Variants in AFF2 observed in about 807,000 individuals in gnomAD.
The protein encoded by AFF2 is ALF transcription elongation factor 2, also known as AF4/FMR2 family member 2.
A neutral mutation model predicts 76.9 loss-of-function variants in AFF2; 14 were observed. The ratio of observed to expected loss-of-function variants is 0.18; its 90% confidence interval spans 0.12 to 0.28. The LOEUF is 0.28. Among genes scored for constraint, AFF2 ranks in the 10% least tolerant of loss-of-function variants. AFF2 has a pLI of 1.00. For missense variants in AFF2, 868 were observed against 1,001.1 expected, an observed-to-expected ratio of 0.87 and a Z score of 1.79; for synonymous variants, 398 against 366.7, an observed-to-expected ratio of 1.09 and a Z score of -0.98.
intron 10 of AFF2, among the ~76,000 whole-genome samples, chrX:148,955,060 T>C (rs1557287062): frequency 8.0e-5 from 9 of 112,890 alleles, no homozygotes; most frequent in Non-Finnish European, 7.5e-5. Context: ...AGTAAAATCT[T>C]TTTGTCCTTC....
intron 1 of AFF2, among the ~76,000 whole-genome samples, chrX:148,604,026 C>G (rs781855526): frequency 5.4e-5 from 6 of 111,278 alleles, no homozygotes; most frequent in African/African-American, 1.3e-4. Context: ...TTTGGTACAT[C>G]TCTAATTTTA....
chrX:148,668,787 G>C (rs1328037367), intron 3 of AFF2, among the ~76,000 whole-genome samples: 1 of 112,400 alleles, frequency 8.9e-6, no homozygotes, highest in Non-Finnish European at 1.9e-5. Context: ...AGGGGCTGCT[G>C]TGAAGACCTC....
chrX:148,609,103 A>G (rs1355039804), intron 1 of AFF2, among the ~76,000 whole-genome samples: 1 of 111,448 alleles, frequency 9.0e-6, no homozygotes, highest in African/African-American at 3.3e-5. Flanking sequence ...GTTTTTCTTC[A>G]GTGACCAAAA....
At chrX:148,782,167 AC>A (rs1453348069) in intron 3 of AFF2, among the ~76,000 whole-genome samples, 1 of 111,634 alleles carries the variant, frequency 9.0e-6, no homozygotes, top group Non-Finnish European at 1.9e-5. Context: ...ATCCTCAATC[AC>A]ATTTTTTCCA....
chrX:148,829,904 T>C (rs2070432828), intron 4 of AFF2, among the ~76,000 whole-genome samples: 1 of 111,982 alleles, frequency 8.9e-6, no homozygotes, highest in African/African-American at 3.3e-5. Context: ...AGTCCTAAAC[T>C]CTTGGTCCAC....
At chrX:148,915,147 GA>G (rs1449303634) in intron 9 of AFF2, among the ~76,000 whole-genome samples, 1 of 111,636 alleles carries the variant, frequency 9.0e-6, no homozygotes, top group African/African-American at 3.3e-5. Flanking sequence ...AAATCAACAG[GA>G]GTTAACTAGA....
intron 7 of AFF2, among the ~76,000 whole-genome samples, chrX:148,853,532 C>A (rs782312009): frequency 7.6e-4 from 85 of 112,110 alleles, no homozygotes; most frequent in Non-Finnish European, 1.2e-3. Context: ...GCTTTGCAGT[C>A]ACCTGCTCTC....
intron 7 of AFF2, among the ~76,000 whole-genome samples, chrX:148,858,616 A>G (rs1557276131): frequency 9.0e-6 from 1 of 111,652 alleles, no homozygotes; most frequent in Admixed American, 9.5e-5. Context: ...TTAATACACA[A>G]TATTATAATG....
intron 3 of AFF2, among the ~76,000 whole-genome samples, chrX:148,764,075 A>G (rs2069483536): frequency 8.9e-6 from 1 of 112,364 alleles, no homozygotes; most frequent in Admixed American, 9.5e-5. Flanking sequence ...GGTGCCAAAA[A>G]GAAATCTTAT....
At chrX:148,958,079 C>A (rs782462501) in intron 11 of AFF2, among the ~76,000 whole-genome samples, 12 of 111,575 alleles carry the variant, frequency 1.1e-4, no homozygotes, top group African/African-American at 3.9e-4. Context: ...TTGTGAGATT[C>A]CCATGCCACC....
chrX:148,516,178 C>A (rs2052532713), intron 1 of AFF2, among the ~76,000 whole-genome samples: 4 of 111,418 alleles, frequency 3.6e-5, no homozygotes, highest in Non-Finnish European at 7.5e-5. Context: ...ACGTCCCAAG[C>A]CAAGCTTGGA....
intron 3 of AFF2, among the ~76,000 whole-genome samples, chrX:148,715,854 A>G (rs1425488138): frequency 9.0e-6 from 1 of 111,670 alleles, no homozygotes; most frequent in Admixed American, 9.5e-5. Context: ...TGTTTTAATT[A>G]CTCAAGGAAT....
At chrX:148,951,558 C>T (rs2071969115) in intron 9 of AFF2, among the ~76,000 whole-genome samples, 1 of 111,791 alleles carries the variant, frequency 8.9e-6, no homozygotes, top group African/African-American at 3.3e-5. Flanking sequence ...ATCCACCACC[C>T]AGTATTCTCA....
intron 1 of AFF2, among the ~76,000 whole-genome samples, chrX:148,644,549 C>T (rs2054124193): frequency 8.9e-6 from 1 of 112,147 alleles, no homozygotes; most frequent in South Asian, 3.7e-4. Flanking sequence ...CAGATAGGAA[C>T]TATTAGTGTT....
At chrX:148,633,527 C>T (rs782198478) in intron 1 of AFF2, among the ~76,000 whole-genome samples, 3 of 112,359 alleles carry the variant, frequency 2.7e-5, no homozygotes, top group African/African-American at 6.5e-5. Flanking sequence ...GGCTTAATAG[C>T]GTCTTGTTGT....
chrX:148,599,898 A>T (rs1482728129), intron 1 of AFF2, among the ~76,000 whole-genome samples: 5 of 111,762 alleles, frequency 4.5e-5, no homozygotes, highest in Non-Finnish European at 9.4e-5. Context: ...TAATCATCTA[A>T]GTGCATGTAT....
At chrX:148,537,986 T>C (rs1557236848) in intron 1 of AFF2, among the ~76,000 whole-genome samples, 1 of 112,218 alleles carries the variant, frequency 8.9e-6, no homozygotes, top group Non-Finnish European at 1.9e-5. Context: ...GTGTAGGTAC[T>C]TTGTAATGAA....
At chrX:148,790,078 T>C (rs781854258) in intron 3 of AFF2, among the ~76,000 whole-genome samples, 1 of 112,108 alleles carries the variant, frequency 8.9e-6, no homozygotes, top group East Asian at 2.8e-4. Flanking sequence ...TAAGAATAAG[T>C]CCATTGATAT....
chrX:148,701,009 A>T (rs367632544), intron 3 of AFF2, among the ~76,000 whole-genome samples: 19 of 67,678 alleles, frequency 2.8e-4, no homozygotes, highest in East Asian at 1.7e-3. Context: ...AGAGAGAGAG[A>T]GAATGTGTGT....
Sources: allele counts gnomAD v4.1 joint callset (sites outside exome capture counted in the v4.1 genomes callset), GRCh38; gene constraint gnomAD v4.1.1; transcripts MANE v1.5; gene names NCBI Gene and HGNC (gene_info 2026-07-23, HGNC 2026-07-21).